The following FAM222A variants were observed in gnomAD, a reference collection of about 807,000 sequenced individuals.
The protein encoded by FAM222A is protein FAM222A.
In FAM222A, 7 loss-of-function variants were observed where a neutral mutation model predicts 25.8. The observed-to-expected ratio is 0.27, with a 90% CI of 0.15 to 0.51. The LOEUF (loss-of-function observed/expected upper bound fraction) is 0.51. FAM222A is among the 20% of genes least tolerant of loss of function. The pLI is 0.97. For missense variants in FAM222A, 573 were observed against 640.5 expected (o/e 0.89, Z 1.14); for synonymous variants, 294 against 298.8 (o/e 0.98, Z 0.17).
chr12:109,722,648 C>A (rs1244165446), intron 1 of FAM222A: 4 of 152,302 alleles, frequency 2.6e-5, no homozygotes, highest in Non-Finnish European at 4.4e-5. Context: ...GACAGGGCTT[C>A]CCCTTCACCA....
At chr12:109,753,989 A>G (rs1460689344) in intron 2 of FAM222A, among the ~76,000 whole-genome samples, 3 of 152,266 alleles carry the variant, frequency 2.0e-5, no homozygotes, top group African/African-American at 4.8e-5. Flanking sequence ...ACAGAGGCTC[A>G]GAGATGAAGG....
chr12:109,718,233 C>T (rs894484673), intron 1 of FAM222A, among the ~76,000 whole-genome samples: 4 of 152,184 alleles, frequency 2.6e-5, no homozygotes, highest in African/African-American at 9.6e-5. Flanking sequence ...TTGAAGACCC[C>T]ATTTGCAGGG....
At chr12:109,765,681 G>A (rs1242161588) in intron 2 of FAM222A, among the ~76,000 whole-genome samples, 1 of 152,208 alleles carries the variant, frequency 6.6e-6, no homozygotes, top group Non-Finnish European at 1.5e-5. Flanking sequence ...TTGGTTGTGA[G>A]CCCACGAGGT....
intron 2 of FAM222A, among the ~76,000 whole-genome samples, chr12:109,747,098 T>C (rs1191605688): frequency 2.6e-5 from 4 of 152,190 alleles, no homozygotes; most frequent in African/African-American, 9.7e-5. Context: ...CAATCTGTAA[T>C]ACTTTTTCTT....
chr12:109,747,451 C>T (rs1036498748), intron 2 of FAM222A, among the ~76,000 whole-genome samples: 5 of 152,092 alleles, frequency 3.3e-5, no homozygotes, highest in African/African-American at 1.2e-4. Context: ...CCCCCTCTAC[C>T]CAAATTTCCT....
chr12:109,721,277 C>A (rs778446109), intron 1 of FAM222A, among the ~76,000 whole-genome samples: 2 of 152,194 alleles, frequency 1.3e-5, no homozygotes, highest in South Asian at 4.1e-4. Context: ...GTAGGATCCT[C>A]GGGCAGGGGC....
intron 1 of FAM222A, among the ~76,000 whole-genome samples, chr12:109,727,968 G>T (rs902590877): frequency 1.3e-5 from 2 of 152,158 alleles, no homozygotes; most frequent in African/African-American, 2.4e-5. Context: ...CCTGTTGAGG[G>T]CCACCATACC....
intron 1 of FAM222A, among the ~76,000 whole-genome samples, chr12:109,723,404 G>A (rs1344540): frequency 0.33 from 49,735 of 152,122 alleles, 9,104 homozygotes; most frequent in Non-Finnish European, 0.43. Context: ...CAACTAGGCC[G>A]GAGGTTCTGG....
intron 2 of FAM222A, among the ~76,000 whole-genome samples, chr12:109,752,494 G>C (rs1888590957): frequency 1.3e-5 from 2 of 152,214 alleles, no homozygotes; most frequent in Admixed American, 1.3e-4. Context: ...TTGCCCCTGG[G>C]CAGAACCAGG....
At chr12:109,757,900 AC>A (rs1888780153) in intron 2 of FAM222A, among the ~76,000 whole-genome samples, 2 of 152,222 alleles carry the variant, frequency 1.3e-5, no homozygotes, top group Non-Finnish European at 2.9e-5. Flanking sequence ...TCAGGACAAG[AC>A]AGCAAACACA....
In FAM222A at chr12:109,749,233, A is replaced by C. The variant is rs1888491610; in HGVS notation, c.82+5005A>C. 3.9e-5 allele frequency among the ~76,000 whole-genome samples: 6 copies of C among 152,096 alleles called. No homozygotes were observed. In the South Asian group the frequency reaches 1.2e-3, roughly 32 times the overall value. On this transcript the variant is annotated intron_variant, in intron 2 of 2. Coordinates refer to ENST00000538780, the MANE Select transcript of FAM222A (RefSeq NM_032829.3). Reference sequence around the variant, plus strand: ...GTGATTCTTCTGCCTCAGCCTCCTGAGTAGCTGGGATTACAGGCATGCACC... The same window carrying C: ...GTGATTCTTCTGCCTCAGCCTCCTGCGTAGCTGGGATTACAGGCATGCACC...
chr12:109,765,935 G>A (rs969112896), intron 2 of FAM222A, among the ~76,000 whole-genome samples: 18 of 152,164 alleles, frequency 1.2e-4, no homozygotes, highest in East Asian at 3.9e-4. Flanking sequence ...CACATGACCC[G>A]TCAAACCCTC....
intron 1 of FAM222A, among the ~76,000 whole-genome samples, chr12:109,723,619 G>C (rs1887789585): frequency 6.6e-6 from 1 of 152,234 alleles, no homozygotes; most frequent in African/African-American, 2.4e-5. Context: ...GGGAAGCCCT[G>C]CCAAGCCCCA....
chr12:109,726,683 C>T (rs1887848924), intron 1 of FAM222A, among the ~76,000 whole-genome samples: 2 of 152,188 alleles, frequency 1.3e-5, no homozygotes, highest in African/African-American at 4.8e-5. Flanking sequence ...GGGATGTGGA[C>T]CTTGCCGGGT....
chr12:109,722,889 A>C (rs1343076169), intron 1 of FAM222A: 1 of 152,090 alleles, frequency 6.6e-6, no homozygotes. Flanking sequence ...AGCTTCTGAG[A>C]GAACAAGACA....
intron 1 of FAM222A, among the ~76,000 whole-genome samples, chr12:109,717,034 C>G (rs532281335): frequency 2.0e-5 from 3 of 152,324 alleles, no homozygotes; most frequent in African/African-American, 7.2e-5. Context: ...CTCCAGAGTC[C>G]TTGTGTCTTA....
In FAM222A at chr12:109,768,470, G is replaced by A. The variant is rs760480974; in HGVS notation, c.541G>A (p.Val181Ile). 5.6e-5 allele frequency: 90 copies of A among 1,602,950 alleles called. No individual in the cohort carries two copies. The highest frequency in any genetic ancestry group is 2.5e-4 in the Admixed American group (15 of 59,894). The change falls in exon 3 of 3, where the codon GTC becomes ATC. Residue 181 changes from valine (V) to isoleucine (I), a missense_variant. Physicochemically the swap from Val to Ile is conservative, Grantham distance 29. Transcript: ENST00000538780. ...GLPAAATAASVIPLPGRGLPL... is the reference protein window; with the variant it reads ...GLPAAATAASIIPLPGRGLPL... Reference sequence around the variant, plus strand: ...GCCCGCAGCCGCCACTGCCGCCTCCGTCATCCCCCTGCCGGGCCGGGGCCT... The same window carrying A: ...GCCCGCAGCCGCCACTGCCGCCTCCATCATCCCCCTGCCGGGCCGGGGCCT...
chr12:109,716,191 C>T (rs537195016), intron 1 of FAM222A, among the ~76,000 whole-genome samples: 190 of 152,344 alleles, frequency 1.2e-3, no homozygotes, highest in African/African-American at 4.5e-3. Context: ...TACTGGCACG[C>T]TTCCCTGCAA....
At position 109,756,575 on chromosome 12, in the gene FAM222A, A is replaced by G. The variant is rs183169986; in HGVS notation, c.83-11437A>G. 2.6e-5 allele frequency among the ~76,000 whole-genome samples: 4 copies of G among 152,282 alleles called. No individual in the cohort carries two copies. In the East Asian group the frequency reaches 7.7e-4, roughly 29 times the overall value. ...TTTGAGTGTTTTTATCATGAGGGAT[A>G]TTGATTTGGCAAATGCTCTGTGTCT... On this transcript the variant is annotated intron_variant, in intron 2 of 2. Coordinates refer to ENST00000538780, the MANE Select transcript of FAM222A (RefSeq NM_032829.3).
Sources: allele counts gnomAD v4.1 joint callset (sites outside exome capture counted in the v4.1 genomes callset), GRCh38; gene constraint gnomAD v4.1.1; transcripts MANE v1.5; gene names NCBI Gene and HGNC (gene_info 2026-07-23, HGNC 2026-07-21).